Variants in CCDC13 observed in about 807,000 individuals in gnomAD.
The protein encoded by CCDC13 is coiled-coil domain-containing protein 13.
In CCDC13, 70 loss-of-function variants were observed where a neutral mutation model predicts 87.3. The ratio of observed to expected loss-of-function variants is 0.80; its 90% CI spans 0.66 to 0.98. The LOEUF is 0.98. Ranked by LOEUF, CCDC13 falls within the 50% of genes least tolerant of loss-of-function variation. The probability of loss-of-function intolerance (pLI) is 0.00; values close to 1 mark genes in which losing one functional copy is unlikely to be tolerated. For synonymous variants in CCDC13, 317 were observed against 360.3 expected, an observed-to-expected ratio of 0.88 and a Z score of 1.36; for missense variants, 842 against 892.0, an observed-to-expected ratio of 0.94 and a Z score of 0.71.
intron 8 of CCDC13, among the ~76,000 whole-genome samples, chr3:42,740,697 T>G (rs1699186784): frequency 6.6e-6 from 1 of 151,776 alleles, no homozygotes; most frequent in Non-Finnish European, 1.5e-5. Flanking sequence ...GGCCCTGGGG[T>G]AGAAGGTGTG....
rs1290189220 is a variant in CCDC13, at chr3:42,752,039, C to T, written c.514-14G>A. The T allele has an allele frequency of 2.5e-6, 4 of 1,601,078 alleles. No homozygotes were observed. The African/African-American group carries it at 5.3e-5, about 21-fold the overall frequency. ...GGCTGTCTGCAGCTGAAAAAGCAAA[C>T]CTCGTGCTTAATACTCTGCTCAGCG... is the stretch of plus-strand genomic sequence containing the variant. On this transcript the variant is annotated splice_polypyrimidine_tract_variant and intron_variant, in intron 4 of 15. Transcript: ENST00000310232.
chr3:42,727,895 A>G lies in CCDC13; in HGVS notation c.1718+2572T>C, dbSNP rs770628570. On this transcript the variant is annotated intron_variant, in intron 13 of 15. Coordinates refer to ENST00000310232, the MANE Select transcript of CCDC13 (RefSeq NM_144719.4). ...GGAAGAAAGGAGAAAAAAAGGAACA[A>G]AGAAAAATCATGGCAAATAGAAAAT... is the stretch of plus-strand genomic sequence containing the variant. Among the ~76,000 whole-genome samples, 24 of 152,352 alleles carry G rather than the reference A, an allele frequency of 1.6e-4. 1 individual carries two copies. In the Middle Eastern group the frequency reaches 0.01, roughly 65 times the overall value.
At chr3:42,752,523 C>T in intron 4 of CCDC13, 52 bp downstream of exon 4, 1 of 1,610,154 alleles carries the variant, frequency 6.2e-7, no homozygotes, top group African/African-American at 1.3e-5. Flanking sequence ...GAGGTTCCCT[C>T]TTGCCCATGC....
intron 13 of CCDC13, among the ~76,000 whole-genome samples, chr3:42,714,440 A>G (rs1698385892): frequency 6.6e-6 from 1 of 152,228 alleles, no homozygotes. Context: ...TCTTGGAGTT[A>G]GTGATTATCT....
At chr3:42,755,820 G>A (rs1440916824) in intron 3 of CCDC13, among the ~76,000 whole-genome samples, 1 of 152,116 alleles carries the variant, frequency 6.6e-6, no homozygotes, top group African/African-American at 2.4e-5. Flanking sequence ...TGGGGAAGAG[G>A]GAGTAACCCC....
chr3:42,761,868 T>C (rs1435048866), intron 1 of CCDC13, among the ~76,000 whole-genome samples: 1 of 152,202 alleles, frequency 6.6e-6, no homozygotes, highest in Non-Finnish European at 1.5e-5. Context: ...CTGGTCCTCC[T>C]ACACCCAGCA....
intron 3 of CCDC13, among the ~76,000 whole-genome samples, chr3:42,754,313 A>C (rs1699657744): frequency 6.6e-6 from 1 of 152,110 alleles, no homozygotes; most frequent in South Asian, 2.1e-4. Context: ...TCTGCTGAAG[A>C]AGACAAGGAC....
At chr3:42,764,898 G>A (rs184625696) in intron 1 of CCDC13, among the ~76,000 whole-genome samples, 29 of 152,280 alleles carry the variant, frequency 1.9e-4, no homozygotes, top group African/African-American at 6.7e-4. Context: ...TTTACAAAGA[G>A]ACCTCTTAAG....
intron 9 of CCDC13, among the ~76,000 whole-genome samples, chr3:42,738,391 T>C (rs75416758): frequency 0.48 from 73,343 of 151,992 alleles, 17,782 homozygotes; most frequent in South Asian, 0.58. Flanking sequence ...CTTGGCAATG[T>C]GGGCTCTTTT....
chr3:42,764,381 G>A (rs886960955), intron 1 of CCDC13, among the ~76,000 whole-genome samples: 5 of 152,182 alleles, frequency 3.3e-5, no homozygotes, highest in African/African-American at 1.2e-4. Context: ...TTTATGTTTA[G>A]TTTACACCAG....
In CCDC13 at chr3:42,715,142, C is replaced by CA. The variant is rs35875657; in HGVS notation, c.1719-1827dup. Among the ~76,000 whole-genome samples the CA allele has an allele frequency of 5.6e-3, 789 of 139,768 alleles. 2 individuals carry two copies. Among genetic ancestry groups the CA allele is most frequent in the Non-Finnish European group, 9.0e-3 (577 of 64,280 alleles). 91.7% of individuals were successfully genotyped at this position (139,768 alleles called of 152,430 possible). A position where few individuals can be genotyped will look rare whatever the true frequency, so the allele number is the denominator to read the frequency against. ...TGAAACCTCGTCTCTACTAAAAATACAAAAAAAAAAAAAAAAATTAGCTAG... is the reference window on the plus strand; with the variant it reads ...TGAAACCTCGTCTCTACTAAAAATACAAAAAAAAAAAAAAAAAATTAGCTAG... On this transcript the variant is annotated intron_variant, in intron 13 of 15. Transcript: ENST00000310232.
chr3:42,747,259 T>C lies in CCDC13; in HGVS notation c.718A>G (p.Lys240Glu). The change falls in exon 6 of 16, where the codon AAG (lysine) becomes GAG (glutamate). Residue 240 changes from lysine (K) to glutamate (E), a missense_variant and splice_region_variant. Transcript: ENST00000310232. ...CCCAAGCCCTGGCTCTGAAAGACCT[T>C]CTGTGCCATCCGCAGCTCCTGCTTC... ...SVKQELRMAQKVLAREVGEDI... is the reference protein window; with the variant it reads ...SVKQELRMAQEVLAREVGEDI... The C allele has an allele frequency of 6.2e-7, 1 of 1,613,494 alleles. No homozygotes were observed.
intron 8 of CCDC13, among the ~76,000 whole-genome samples, chr3:42,741,769 C>T (rs1181191737): frequency 6.6e-6 from 1 of 152,160 alleles, no homozygotes; most frequent in Admixed American, 6.5e-5. Context: ...TGGTTCTCCA[C>T]AGCCTTCAAG....
At chr3:42,743,553 G>C (rs1699290353) in intron 7 of CCDC13, among the ~76,000 whole-genome samples, 1 of 128,094 alleles carries the variant, frequency 7.8e-6, no homozygotes, top group Non-Finnish European at 1.6e-5. Context: ...AAGCAGCTGG[G>C]ACCACAGGCA....
rs1423851515 is a variant in CCDC13 at position 42,731,010 on chromosome 3, G to A, written c.1596-421C>T. Among the ~76,000 whole-genome samples, 4 of 152,022 alleles carry A rather than the reference G, an allele frequency of 2.6e-5. No individual in the cohort carries two copies. The East Asian group carries it at 7.7e-4, about 29-fold the overall frequency. On this transcript the variant is annotated intron_variant, in intron 12 of 15. Transcript: ENST00000310232. ...TCTCCCAGCCCTCCTGCATCTTCTG[G>A]CTTGGTCCCCAAGCCCAGCCCACTT...
At chr3:42,756,786 T>C (rs1005552063) in intron 3 of CCDC13, among the ~76,000 whole-genome samples, 1 of 152,196 alleles carries the variant, frequency 6.6e-6, no homozygotes, top group Non-Finnish European at 1.5e-5. Flanking sequence ...GAGTCCCAGC[T>C]GGATCACCAA....
chr3:42,755,334 C>T (rs1193490403), intron 3 of CCDC13, among the ~76,000 whole-genome samples: 2 of 152,276 alleles, frequency 1.3e-5, no homozygotes, highest in Non-Finnish European at 1.5e-5. Flanking sequence ...GGAGGCCAGT[C>T]GCGGTGGCTC....
At chr3:42,726,804 ATG>A (rs1194127082) in intron 13 of CCDC13, among the ~76,000 whole-genome samples, 16 of 152,028 alleles carry the variant, frequency 1.1e-4, no homozygotes, top group South Asian at 4.2e-4. Flanking sequence ...ATATATACAT[ATG>A]TGTGTGTGTA....
chr3:42,764,925 C>G (rs1346948451), intron 1 of CCDC13, among the ~76,000 whole-genome samples: 1 of 152,202 alleles, frequency 6.6e-6, no homozygotes, highest in Non-Finnish European at 1.5e-5. Context: ...GGTCCTAATA[C>G]CTTATTCATT....
Sources: gnomAD v4.1 joint callset for allele counts (sites outside exome capture counted in the v4.1 genomes callset) on GRCh38, gnomAD v4.1.1 for gene constraint, MANE v1.5 for transcripts, NCBI Gene and HGNC (gene_info 2026-07-23, HGNC 2026-07-21) for gene names.